The following CDK5RAP2 variants were observed in gnomAD, a reference collection of about 807,000 sequenced individuals.
CDK5RAP2 encodes CDK5 regulatory subunit-associated protein 2.
A neutral mutation model predicts 232.9 loss-of-function variants in CDK5RAP2; 147 were observed. The ratio of observed to expected loss-of-function variants is 0.63; its 90% CI spans 0.55 to 0.72. The LOEUF (loss-of-function observed/expected upper bound fraction) is 0.72. Ranked by LOEUF, CDK5RAP2 falls within the 30% of genes least tolerant of loss-of-function variation. The pLI, the probability that CDK5RAP2 is intolerant of heterozygous loss-of-function variation, is 0.00. For missense variants in CDK5RAP2, 2,195 were observed against 2,231.5 expected, an observed-to-expected ratio of 0.98 and a Z score of 0.33; for synonymous variants, 833 against 833.7, an observed-to-expected ratio of 1.00 and a Z score of 0.01.
chr9:120,562,611 G>C (rs1245460233), intron 3 of CDK5RAP2, among the ~76,000 whole-genome samples: 6 of 151,922 alleles, frequency 3.9e-5, no homozygotes, highest in Non-Finnish European at 8.8e-5. Flanking sequence ...CATGTTCTAA[G>C]TTCACCCTCA....
intron 10 of CDK5RAP2, among the ~76,000 whole-genome samples, chr9:120,526,296 A>G (rs1323393707): frequency 1.3e-5 from 2 of 152,072 alleles, no homozygotes; most frequent in Admixed American, 1.3e-4. Flanking sequence ...ACCACTTTTT[A>G]AACAGATTCA....
At chr9:120,454,012 C>T in intron 20 of CDK5RAP2, 139 bp from the exon 21 acceptor site, 2 of 823,974 alleles carry the variant, frequency 2.4e-6, no homozygotes, top group Non-Finnish European at 4.1e-6. Context: ...CCACAACGTG[C>T]CAGGGCCCAC....
chr9:120,450,648 G>GGCCC (rs1399722327), intron 21 of CDK5RAP2, among the ~76,000 whole-genome samples: 1 of 151,970 alleles, frequency 6.6e-6, no homozygotes, highest in Non-Finnish European at 1.5e-5. Flanking sequence ...GAAGAGTAAG[G>GGCCC]GCCCCTTCTT....
At chr9:120,506,548 A>C (rs1377910606) in intron 12 of CDK5RAP2, among the ~76,000 whole-genome samples, 1 of 152,256 alleles carries the variant, frequency 6.6e-6, no homozygotes, top group African/African-American at 2.4e-5. Flanking sequence ...ACCTTTTGGA[A>C]AGGATTCATC....
intron 12 of CDK5RAP2, among the ~76,000 whole-genome samples, 191 bp from the exon 13 acceptor site, chr9:120,491,668 C>T (rs992659634): frequency 6.6e-6 from 1 of 152,044 alleles, no homozygotes; most frequent in African/African-American, 2.4e-5. Flanking sequence ...TGAAATTTGG[C>T]AAAAGATTTA....
At chr9:120,408,225 C>T in intron 31 of CDK5RAP2, 122 bp downstream of exon 31, 2 of 1,106,592 alleles carry the variant, frequency 1.8e-6, no homozygotes, top group Non-Finnish European at 1.4e-6. Context: ...AACACCCATC[C>T]ACTCTACCCA....
chr9:120,445,514 G>A (rs1054825591), intron 22 of CDK5RAP2, among the ~76,000 whole-genome samples: 10 of 152,036 alleles, frequency 6.6e-5, no homozygotes, highest in African/African-American at 1.7e-4. Flanking sequence ...TGCCAATCAC[G>A]CTGCACCCAC....
At chr9:120,446,959 T>C (rs763447776) in intron 22 of CDK5RAP2, among the ~76,000 whole-genome samples, 5 of 152,172 alleles carry the variant, frequency 3.3e-5, no homozygotes, top group Admixed American at 2.0e-4. Flanking sequence ...TACATATGCT[T>C]ATCAGCTTTC....
intron 12 of CDK5RAP2, among the ~76,000 whole-genome samples, chr9:120,515,090 G>T (rs1255711156): frequency 6.6e-6 from 1 of 152,034 alleles, no homozygotes; most frequent in African/African-American, 2.4e-5. Flanking sequence ...CAGAGTGTGT[G>T]TGTGTATCAC....
chr9:120,480,780 G>C (rs1405021695), intron 14 of CDK5RAP2, among the ~76,000 whole-genome samples: 1 of 152,152 alleles, frequency 6.6e-6, no homozygotes. Flanking sequence ...ACAAAACAAG[G>C]CCAAGGCACC....
At chr9:120,390,418 G>A (rs2031834152) in intron 36 of CDK5RAP2, 1 of 155,038 alleles carries the variant, frequency 6.5e-6, no homozygotes, top group South Asian at 2.0e-4. Flanking sequence ...ATTCTGCCTG[G>A]ACAAGAGCTG....
At chr9:120,443,877 T>A in intron 22 of CDK5RAP2, 135 bp from the exon 23 acceptor site, 3 of 1,109,770 alleles carry the variant, frequency 2.7e-6, no homozygotes. Flanking sequence ...ATTTATAAGA[T>A]AAAATTAATC....
chr9:120,542,962 GA>G (rs1428568832), intron 5 of CDK5RAP2, among the ~76,000 whole-genome samples: 2 of 152,196 alleles, frequency 1.3e-5, no homozygotes, highest in Non-Finnish European at 2.9e-5. Flanking sequence ...GAGGAGGTGA[GA>G]GGGGAGGAGG....
At chr9:120,498,350 C>A (rs775809106) in intron 12 of CDK5RAP2, among the ~76,000 whole-genome samples, 3 of 152,150 alleles carry the variant, frequency 2.0e-5, no homozygotes, top group South Asian at 2.1e-4. Flanking sequence ...AAGAGAAACA[C>A]CAGACAAGCC....
intron 12 of CDK5RAP2, among the ~76,000 whole-genome samples, chr9:120,513,142 C>T (rs569883466): frequency 1.3e-5 from 2 of 152,306 alleles, no homozygotes; most frequent in African/African-American, 4.8e-5. Context: ...AGAAGCTACA[C>T]CTGAGCATCC....
At chr9:120,400,512 C>T (rs766942928) in intron 35 of CDK5RAP2, among the ~76,000 whole-genome samples, 2 of 152,172 alleles carry the variant, frequency 1.3e-5, no homozygotes, top group South Asian at 2.1e-4. Flanking sequence ...GTGTAGAATG[C>T]GGACGGGATT....
intron 28 of CDK5RAP2, among the ~76,000 whole-genome samples, chr9:120,412,173 C>T (rs553434561): frequency 6.6e-6 from 1 of 152,346 alleles, no homozygotes; most frequent in Non-Finnish European, 1.5e-5. Flanking sequence ...TGGCAAAAGA[C>T]AATCACACAA....
intron 1 of CDK5RAP2, among the ~76,000 whole-genome samples, chr9:120,576,845 G>A (rs1268999865): frequency 1.3e-5 from 2 of 152,168 alleles, no homozygotes; most frequent in Non-Finnish European, 2.9e-5. Flanking sequence ...CAAGGCAGAA[G>A]CAGGAGGATC....
At chr9:120,391,139 A>C (rs1176647705) in intron 36 of CDK5RAP2, among the ~76,000 whole-genome samples, 1 of 152,146 alleles carries the variant, frequency 6.6e-6, no homozygotes, top group Non-Finnish European at 1.5e-5. Context: ...AGCTTTCTCC[A>C]GATTCACCAA....
Sources: gnomAD v4.1 joint callset for allele counts (sites outside exome capture counted in the v4.1 genomes callset) on GRCh38, gnomAD v4.1.1 for gene constraint, MANE v1.5 for transcripts, NCBI Gene and HGNC (gene_info 2026-07-23, HGNC 2026-07-21) for gene names.